Variants in RIPK1 observed in about 807,000 individuals in gnomAD.
RIPK1 encodes receptor-interacting serine/threonine-protein kinase 1.
In RIPK1, 27 loss-of-function variants were observed where a neutral mutation model predicts 62.4. The observed-to-expected ratio is 0.43, with a 90% CI of 0.32 to 0.60. RIPK1 has a LOEUF of 0.60. Ranked by LOEUF, RIPK1 falls within the 20% of genes least tolerant of loss-of-function variation. The probability of loss-of-function intolerance (pLI) is 0.07; values close to 1 mark genes in which losing one functional copy is unlikely to be tolerated. For synonymous variants in RIPK1, 287 were observed against 303.2 expected (o/e 0.95, Z 0.55); for missense variants, 735 against 831.0 (o/e 0.88, Z 1.42).
At chr6:3,089,466 T>G (rs758066211) in intron 6 of RIPK1, 115 bp from the exon 7 acceptor site, 5 of 654,582 alleles carry the variant, frequency 7.6e-6, no homozygotes, top group Non-Finnish European at 1.4e-5. Context: ...CTTAAATTTT[T>G]ATTTAAGCTT....
intron 10 of RIPK1, 97 bp from the exon 11 acceptor site, chr6:3,112,956 G>T: frequency 2.0e-6 from 2 of 1,004,610 alleles, no homozygotes; most frequent in Non-Finnish European, 2.9e-6. Context: ...CTGTCTTCTG[G>T]TACTCTTCAT....
intron 7 of RIPK1, among the ~76,000 whole-genome samples, chr6:3,102,555 T>C (rs1760633502): frequency 6.6e-6 from 1 of 152,190 alleles, no homozygotes; most frequent in Non-Finnish European, 1.5e-5. Flanking sequence ...CTTTGGGGTA[T>C]ATATATCCGG....
chr6:3,095,147 T>A (rs1760220282), intron 7 of RIPK1, among the ~76,000 whole-genome samples: 1 of 152,172 alleles, frequency 6.6e-6, no homozygotes, highest in Non-Finnish European at 1.5e-5. Context: ...CCTGCAGACA[T>A]CAAATGTTAT....
intron 7 of RIPK1, among the ~76,000 whole-genome samples, chr6:3,101,475 G>C (rs929744625): frequency 1.3e-5 from 2 of 152,100 alleles, no homozygotes; most frequent in Non-Finnish European, 2.9e-5. Flanking sequence ...CATGCAAAGA[G>C]ACAAAAACAA....
At chr6:3,099,018 A>G (rs1296296214) in intron 7 of RIPK1, among the ~76,000 whole-genome samples, 1 of 152,262 alleles carries the variant, frequency 6.6e-6, no homozygotes, top group Non-Finnish European at 1.5e-5. Context: ...GCTCCTTGCA[A>G]CAGGGCAGCA....
chr6:3,071,686 C>T (rs1477164593), intron 1 of RIPK1, among the ~76,000 whole-genome samples: 4 of 152,120 alleles, frequency 2.6e-5, no homozygotes, highest in Admixed American at 2.6e-4. Flanking sequence ...GAACACCATG[C>T]AGAAGATGCA....
At chr6:3,100,348 C>T (rs770756579) in intron 7 of RIPK1, among the ~76,000 whole-genome samples, 3 of 151,908 alleles carry the variant, frequency 2.0e-5, no homozygotes, top group African/African-American at 7.3e-5. Flanking sequence ...TGCTTGAACC[C>T]GGGAGGTGGA....
upstream of RIPK1, among the ~76,000 whole-genome samples, chr6:3,065,710 G>A (rs1024788040): frequency 6.6e-6 from 1 of 152,146 alleles, no homozygotes; most frequent in Non-Finnish European, 1.5e-5. Context: ...TGGCCTCCAC[G>A]GGCTTCAGAG....
chr6:3,087,798 C>T (rs1283104237), intron 6 of RIPK1, among the ~76,000 whole-genome samples: 1 of 39,256 alleles, frequency 2.5e-5, no homozygotes, highest in African/African-American at 3.9e-5. Flanking sequence ...CTCGGCCTCC[C>T]AAAGTGTGGG....
Position 3,085,313 on chromosome 6 carries a change from A to C in RIPK1, c.743A>C (p.Asp248Ala). 6.2e-7 allele frequency: 1 copy of C among 1,614,250 alleles called. No homozygotes were observed. The highest frequency in any genetic ancestry group is 1.1e-5 in the South Asian group (1 of 91,090). The change falls in exon 6 of 11, where the codon GAT becomes GCT. Residue 248 changes from aspartate (D) to alanine (A), a missense_variant. Asp to Ala is a moderately radical substitution (Grantham distance 126). Around this residue, in one of 2 missense-constraint regions of RIPK1, gnomAD observed 671 missense variants for 726.2 expected, o/e 0.92. Coordinates refer to ENST00000259808, the MANE Select transcript of RIPK1 (RefSeq NM_001354930.2). ...TGCATAAAATCTGGGAACAGGCCAG[A>C]TGTGGATGACATCACTGAGTACTGC... ...IMCIKSGNRP[D>A]VDDITEYCPR...
At chr6:3,111,070 G>T in intron 10 of RIPK1, 115 bp downstream of exon 10, 1 of 609,654 alleles carries the variant, frequency 1.6e-6, no homozygotes, top group Admixed American at 3.6e-5. Context: ...GTTTTCTTAT[G>T]TTACTTCTGC....
intron 7 of RIPK1, among the ~76,000 whole-genome samples, chr6:3,098,986 C>G (rs1760461953): frequency 6.6e-6 from 1 of 152,216 alleles, no homozygotes; most frequent in Non-Finnish European, 1.5e-5. Context: ...GAGTTCACAG[C>G]TGCAGGCTGT....
At chr6:3,094,151 GCCGCACCTAGTAACTGTAGCGTA>G (rs1760153969) in intron 7 of RIPK1, among the ~76,000 whole-genome samples, 3 of 139,950 alleles carry the variant, frequency 2.1e-5, no homozygotes, top group African/African-American at 9.9e-5. Flanking sequence ...GTACCTACCT[GCCGCACCTAGTAACTGTAGCGTA>G]CCTACCTGCT....
intron 1 of RIPK1, among the ~76,000 whole-genome samples, chr6:3,069,371 G>T (rs979953669): frequency 3.2e-4 from 49 of 152,176 alleles, no homozygotes; most frequent in Admixed American, 3.0e-3. Context: ...GTGCTTTTGT[G>T]AAGTGCTGCG....
intron 1 of RIPK1, among the ~76,000 whole-genome samples, chr6:3,076,384 T>G (rs1305828601): frequency 6.6e-6 from 1 of 152,106 alleles, no homozygotes; most frequent in East Asian, 1.9e-4. Context: ...AATGATCTTT[T>G]CTGCCAGGTA....
chr6:3,085,332 G>A lies in RIPK1; in HGVS notation c.762G>A (p.Glu254=), dbSNP rs1759632532. The change falls in exon 6 of 11, where the codon GAG becomes GAA. Residue 254 remains glutamate (E), a synonymous_variant. Coordinates refer to ENST00000259808, the MANE Select transcript of RIPK1 (RefSeq NM_001354930.2). ...GGCCAGATGTGGATGACATCACTGA[G>A]TACTGCCCAAGAGAAATTATCAGTC... ...GNRPDVDDIT[E]YCPREIISLM... is the part of the protein sequence containing the mutation. 6.2e-7 allele frequency: 1 copy of A among 1,614,204 alleles called. No individual in the cohort carries two copies. The highest frequency in any genetic ancestry group is 1.1e-5 in the South Asian group (1 of 91,086).
intron 1 of RIPK1, 25 bp downstream of exon 1, chr6:3,068,686 G>A (rs1758512691): frequency 2.7e-5 from 27 of 984,740 alleles, no homozygotes; most frequent in South Asian, 1.9e-4. Flanking sequence ...ACCGCGCGGG[G>A]AACATTCCGG....
intron 9 of RIPK1, 44 bp from the exon 10 acceptor site, chr6:3,110,759 C>T (rs1328931176): frequency 1.5e-6 from 2 of 1,337,872 alleles, no homozygotes; most frequent in Admixed American, 2.1e-5. Context: ...TTTTCTCTTG[C>T]TTTTGATCTA....
intron 7 of RIPK1, among the ~76,000 whole-genome samples, chr6:3,095,049 C>A (rs535769046): frequency 6.6e-6 from 1 of 151,556 alleles, no homozygotes; most frequent in Non-Finnish European, 1.5e-5. Flanking sequence ...CAGAGTGAGA[C>A]CCTACTTCTG....
Sources: allele counts gnomAD v4.1 joint callset (sites outside exome capture counted in the v4.1 genomes callset), GRCh38; gene constraint gnomAD v4.1.1; regional missense constraint gnomAD v4.1.1; transcripts MANE v1.5; gene names NCBI Gene and HGNC (gene_info 2026-07-23, HGNC 2026-07-21).